Variants in ZNF407 observed in about 807,000 individuals in gnomAD.
ZNF407 encodes zinc finger protein 407.
In ZNF407, 17 loss-of-function variants were observed where a neutral mutation model predicts 131.2. That is an observed-to-expected ratio of 0.13 (90% CI 0.09 to 0.19). The LOEUF (loss-of-function observed/expected upper bound fraction) is 0.19. Among genes scored for constraint, ZNF407 ranks in the 10% least tolerant of loss-of-function variants. ZNF407 has a pLI of 1.00. For missense variants in ZNF407, 2,681 were observed against 2,830.6 expected (o/e 0.95, Z 1.20); for synonymous variants, 1,156 against 1,062.0 (o/e 1.09, Z -1.72).
At chr18:74,984,610 T>G (rs1315538495) in intron 8 of ZNF407, among the ~76,000 whole-genome samples, 1 of 152,228 alleles carries the variant, frequency 6.6e-6, no homozygotes, top group Non-Finnish European at 1.5e-5. Flanking sequence ...AAATGGATGT[T>G]AATAACCAAC....
At chr18:74,759,258 T>C (rs960737087) in intron 3 of ZNF407, among the ~76,000 whole-genome samples, 4 of 152,218 alleles carry the variant, frequency 2.6e-5, no homozygotes, top group Non-Finnish European at 5.9e-5. Context: ...ACTCTGTTGC[T>C]GCTCTCAGGA....
At chr18:74,910,269 T>C (rs1417088241) in intron 7 of ZNF407, among the ~76,000 whole-genome samples, 1 of 152,110 alleles carries the variant, frequency 6.6e-6, no homozygotes, top group Non-Finnish European at 1.5e-5. Context: ...AAAGCAGTAG[T>C]TCCAAAGTAA....
intron 8 of ZNF407, among the ~76,000 whole-genome samples, chr18:74,963,501 A>AT (rs1016686416): frequency 1.2e-3 from 177 of 151,656 alleles, no homozygotes; most frequent in African/African-American, 3.4e-3. Context: ...GAACTACTCG[A>AT]TTTTTTTTTA....
At chr18:74,852,835 T>C (rs1454225517) in intron 4 of ZNF407, among the ~76,000 whole-genome samples, 2 of 152,226 alleles carry the variant, frequency 1.3e-5, no homozygotes, top group South Asian at 4.1e-4. Flanking sequence ...TGTGATGTGA[T>C]ACTTGATTTA....
intron 8 of ZNF407, among the ~76,000 whole-genome samples, chr18:74,943,596 G>A (rs914100093): frequency 3.3e-5 from 5 of 152,186 alleles, no homozygotes; most frequent in African/African-American, 7.2e-5. Context: ...TACATTATTA[G>A]TTGATCAATA....
At position 74,688,563 on chromosome 18, in the gene ZNF407, A is replaced by T. The variant is rs1967148703; in HGVS notation, c.4802+47441A>T. The stretch of plus-strand genomic sequence containing the variant: ...AAATCTAACTTACCAGTTTTGTTTT[A>T]TGGTTTGTGCTTTTGTTTCTAAAAA... On this transcript the variant is annotated intron_variant, in intron 3 of 8. Coordinates refer to ENST00000299687, the MANE Select transcript of ZNF407 (RefSeq NM_017757.3). Among the ~76,000 whole-genome samples the T allele has an allele frequency of 2.0e-5, 3 of 152,176 alleles. No homozygotes were observed. In the South Asian group the frequency reaches 6.2e-4, roughly 31 times the overall value.
At chr18:75,044,942 C>T (rs187421032) in intron 8 of ZNF407, among the ~76,000 whole-genome samples, 2 of 152,240 alleles carry the variant, frequency 1.3e-5, no homozygotes, top group Admixed American at 1.3e-4. Context: ...GTGCAAATTC[C>T]ATTACAGCAA....
intron 7 of ZNF407, among the ~76,000 whole-genome samples, chr18:74,903,487 T>C (rs1373698921): frequency 6.6e-6 from 1 of 152,180 alleles, no homozygotes; most frequent in Non-Finnish European, 1.5e-5. Flanking sequence ...AAAAAAATGA[T>C]GGCTTGGATT....
At chr18:74,651,949 T>C (rs952259137) in intron 3 of ZNF407, among the ~76,000 whole-genome samples, 2 of 152,176 alleles carry the variant, frequency 1.3e-5, no homozygotes, top group African/African-American at 2.4e-5. Context: ...AGCATTGCTG[T>C]GTCTATACTG....
rs118129277 is a variant in ZNF407, at chr18:74,621,821, A to G, written c.-53-9146A>G. ...CGAAGGCATTTTCCTGGGTAGGGAA[A>G]TAAACAATTTTACAAACATGTAAAT... is the stretch of plus-strand genomic sequence containing the variant. On this transcript the variant is annotated intron_variant, in intron 1 of 8. Coordinates refer to ENST00000299687, the MANE Select transcript of ZNF407 (RefSeq NM_017757.3). 4.0e-3 allele frequency among the ~76,000 whole-genome samples: 612 copies of G among 152,356 alleles called. 3 individuals carry two copies. Among genetic ancestry groups the G allele is most frequent in the Non-Finnish European group, 7.6e-3 (514 of 68,036 alleles).
chr18:74,829,787 A>G (rs1970457069), intron 4 of ZNF407, among the ~76,000 whole-genome samples: 1 of 151,134 alleles, frequency 6.6e-6, no homozygotes, highest in Non-Finnish European at 1.5e-5. Flanking sequence ...AAAACTGCTA[A>G]TTCTGGTCTT....
intron 3 of ZNF407, among the ~76,000 whole-genome samples, chr18:74,658,626 C>G (rs896952265): frequency 2.0e-5 from 3 of 152,120 alleles, no homozygotes; most frequent in African/African-American, 7.2e-5. Flanking sequence ...AATGATGTAT[C>G]TAAAAATAAC....
intron 3 of ZNF407, among the ~76,000 whole-genome samples, chr18:74,773,354 G>A (rs1252438444): frequency 6.8e-6 from 1 of 147,806 alleles, no homozygotes; most frequent in Non-Finnish European, 1.5e-5. Context: ...GGAACTATCA[G>A]TAGAAGCCAA....
At chr18:75,025,675 G>A (rs1033779571) in intron 8 of ZNF407, among the ~76,000 whole-genome samples, 1 of 152,174 alleles carries the variant, frequency 6.6e-6, no homozygotes, top group African/African-American at 2.4e-5. Context: ...AGTTTGTTTG[G>A]TATGGGGGAA....
chr18:74,970,373 C>T (rs1972458963), intron 8 of ZNF407, among the ~76,000 whole-genome samples: 1 of 152,184 alleles, frequency 6.6e-6, no homozygotes, highest in Admixed American at 6.5e-5. Context: ...AGTCCAAAGT[C>T]TCATCTGAGA....
intron 3 of ZNF407, among the ~76,000 whole-genome samples, chr18:74,719,745 A>T (rs563859581): frequency 6.6e-6 from 1 of 152,314 alleles, no homozygotes; most frequent in African/African-American, 2.4e-5. Context: ...TAGCGTCCAC[A>T]TATGAGTGAG....
At chr18:74,740,236 G>A (rs980557852) in intron 3 of ZNF407, among the ~76,000 whole-genome samples, 18 of 152,112 alleles carry the variant, frequency 1.2e-4, no homozygotes, top group Admixed American at 6.5e-5. Context: ...TCCAATTCCC[G>A]CTTCTTTGCC....
intron 8 of ZNF407, among the ~76,000 whole-genome samples, chr18:74,955,134 G>A (rs981723976): frequency 1.3e-5 from 2 of 152,190 alleles, no homozygotes; most frequent in Non-Finnish European, 2.9e-5. Context: ...CCTGAGGGTA[G>A]TGCTGAGGGG....
intron 8 of ZNF407, among the ~76,000 whole-genome samples, chr18:74,979,721 A>G (rs1972567134): frequency 6.6e-6 from 1 of 152,252 alleles, no homozygotes; most frequent in Non-Finnish European, 1.5e-5. Flanking sequence ...ACATCATGAA[A>G]TAATGTTCGA....
Sources: gnomAD v4.1 joint callset for allele counts (sites outside exome capture counted in the v4.1 genomes callset) on GRCh38, gnomAD v4.1.1 for gene constraint, MANE v1.5 for transcripts, NCBI Gene and HGNC (gene_info 2026-07-23, HGNC 2026-07-21) for gene names.